CASKIN1: variants seen among roughly 807,000 people sequenced by gnomAD.
CASKIN1 encodes caskin-1.
Under a neutral mutation model 117.5 loss-of-function variants are expected in CASKIN1, and 42 were observed. That is an observed-to-expected ratio of 0.36 (90% CI 0.28 to 0.46). CASKIN1 has a LOEUF of 0.46. Ranked by LOEUF, CASKIN1 falls within the 20% of genes least tolerant of loss-of-function variation. The probability of loss-of-function intolerance (pLI) is 1.00; values close to 1 mark genes in which losing one functional copy is unlikely to be tolerated. For missense variants in CASKIN1, 2,083 were observed against 2,077.3 expected, an observed-to-expected ratio of 1.00 and a Z score of -0.05; for synonymous variants, 1,148 against 961.7, an observed-to-expected ratio of 1.19 and a Z score of -3.59.
At position 2,181,732 on chromosome 16, in the gene CASKIN1, G is replaced by A. The variant is rs555319257; in HGVS notation, c.1768+59C>T. 4,013 of 1,577,516 alleles carry A rather than the reference G, an allele frequency of 2.5e-3. 16 individuals carry two copies. Among genetic ancestry groups the A allele is most frequent in the Middle Eastern group, 0.02 (97 of 4,738 alleles). On this transcript the variant is annotated intron_variant, in intron 17 of 19. Transcript: ENST00000343516. ...GGGGCTGGGGCTGGGCTGGTGGCTG[G>A]TGGCTGGGGCTTGGGCTGAGGGTTG...
rs2093143152 is a variant in CASKIN1 at position 2,177,481 on chromosome 16, AGAG to A, written c.*1066_*1068del. On this transcript the variant is annotated 3_prime_UTR_variant, in exon 20 of 20. Coordinates refer to ENST00000343516, the MANE Select transcript of CASKIN1 (RefSeq NM_020764.4). ...AACACTGTGGATCAGCAAACACGAT[AGAG>A]GAGACCAGTCAGTACTTCTTGGAGG... 8.6e-6 allele frequency: 2 copies of A among 233,046 alleles called. No individual in the cohort carries two copies. Among genetic ancestry groups the A allele is most frequent in the Non-Finnish European group, 1.7e-5 (2 of 117,874 alleles). 14.4% of individuals were successfully genotyped at this position (233,046 alleles called of 1,614,324 possible).
Position 2,177,812 on chromosome 16 carries a change from T to G in CASKIN1, c.*738A>C. On this transcript the variant is annotated 3_prime_UTR_variant, in exon 20 of 20. Transcript: ENST00000343516. ...AGAGCAAGGCACAACCTCGAGTTCT[T>G]GGGGCGCAGAGAACTTAGGAGAGAA... The G allele has an allele frequency of 4.2e-6, 1 of 239,706 alleles. No individual in the cohort carries two copies. Among genetic ancestry groups the G allele is most frequent in the Non-Finnish European group, 8.2e-6 (1 of 121,464 alleles). 14.8% of individuals were successfully genotyped at this position (239,706 alleles called of 1,614,324 possible). A position where few individuals can be genotyped will look rare whatever the true frequency, so the allele number is the denominator to read the frequency against.
rs139962274 is a variant in CASKIN1, at chr16:2,182,851, C to T, written c.1629+795G>A. On this transcript the variant is annotated intron_variant, in intron 16 of 19. Transcript: ENST00000343516. The surrounding 1 kb of genome is among the most constrained non-coding windows in gnomAD (Gnocchi z 4.1). ...TGTCGCCCAGGCTGGAGTGCAGTGGCGCAATCTCGGCTCACTGCAAGCTCC... is the reference window on the plus strand; with the variant it reads ...TGTCGCCCAGGCTGGAGTGCAGTGGTGCAATCTCGGCTCACTGCAAGCTCC... Among the ~76,000 whole-genome samples, 1,658 of 152,346 alleles carry T rather than the reference C, an allele frequency of 0.011. 35 individuals are homozygous for T. Among genetic ancestry groups the T allele is most frequent in the African/African-American group, 0.038 (1,573 of 41,576 alleles).
intron 14 of CASKIN1, 36 bp downstream of exon 14, chr16:2,184,741 C>G (rs1029960339): frequency 3.4e-6 from 5 of 1,457,498 alleles, no homozygotes; most frequent in African/African-American, 1.4e-5. Context: ...AGCCTCTCCC[C>G]GGAGCCCACG....
At position 2,177,960 on chromosome 16, in the gene CASKIN1, A is replaced by C. The variant is rs2093147798; in HGVS notation, c.*590T>G. ...CAGGCAGACAGCCTGGGCCTCTAAC[A>C]GCTTTTGTCCGGAGCTAGACTTCGT... is the stretch of plus-strand genomic sequence containing the variant. On this transcript the variant is annotated 3_prime_UTR_variant, in exon 20 of 20. Coordinates refer to ENST00000343516, the MANE Select transcript of CASKIN1 (RefSeq NM_020764.4). 2.7e-6 allele frequency: 1 copy of C among 365,972 alleles called. No individual in the cohort carries two copies. Among genetic ancestry groups the C allele is most frequent in the Non-Finnish European group, 5.1e-6 (1 of 194,826 alleles). The allele number at this position is 365,972 out of a possible 1,614,324, so 22.7% of individuals were successfully genotyped here.
intron 14 of CASKIN1, 79 bp from the exon 15 acceptor site, chr16:2,184,020 G>C (rs992887039): frequency 1.0e-6 from 1 of 957,232 alleles, no homozygotes; most frequent in Non-Finnish European, 1.5e-6. Flanking sequence ...CCTCTGCTTG[G>C]CCGGCCAGCC....
At position 2,178,280 on chromosome 16, in the gene CASKIN1, C is replaced by A. The variant is rs1045792602; in HGVS notation, c.*270G>T. On this transcript the variant is annotated 3_prime_UTR_variant, in exon 20 of 20. Coordinates refer to ENST00000343516, the MANE Select transcript of CASKIN1 (RefSeq NM_020764.4). ...CCCATCCCTGGTCCCGGGGCGCCCT[C>A]CCCTCCCGCGCGGGCAGGAGGCCCA... The A allele has an allele frequency of 9.9e-6, 4 of 404,824 alleles. No homozygotes were observed. The highest frequency in any genetic ancestry group is 1.8e-5 in the Non-Finnish European group (4 of 223,672). 25.1% of individuals were successfully genotyped at this position (404,824 alleles called of 1,614,324 possible).
intron 1 of CASKIN1, among the ~76,000 whole-genome samples, chr16:2,193,107 T>G (rs766050810): frequency 6.6e-6 from 1 of 151,940 alleles, no homozygotes; most frequent in East Asian, 1.9e-4. Context: ...AACCTCCACC[T>G]CCCGGGTTCA....
intron 16 of CASKIN1, 37 bp downstream of exon 16, chr16:2,183,609 G>C (rs776565615): frequency 6.3e-7 from 1 of 1,599,326 alleles, no homozygotes; most frequent in African/African-American, 1.3e-5. Flanking sequence ...CTGTCTGCCC[G>C]TCCTGGGCCC....
Position 2,179,490 on chromosome 16 carries a change from C to G in CASKIN1, c.3775+103G>C. The stretch of plus-strand genomic sequence containing the variant: ...GTCTGGGGACACGTTCCCACCCCAC[C>G]TGGGCTTCCATCAAACCCAAGAAAA... On this transcript the variant is annotated intron_variant, in intron 18 of 19. Transcript: ENST00000343516. This position sits in a 1 kb window ranked among gnomAD's most constrained non-coding sequence, Gnocchi z 5.8. 1 of 1,391,802 alleles carries G rather than the reference C, an allele frequency of 7.2e-7. No homozygotes were observed. The highest frequency in any genetic ancestry group is 1.5e-5 in the African/African-American group (1 of 66,508). 86.2% of individuals were successfully genotyped at this position (1,391,802 alleles called of 1,614,324 possible). A position where few individuals can be genotyped will look rare whatever the true frequency, so the allele number is the denominator to read the frequency against.
intron 10 of CASKIN1, among the ~76,000 whole-genome samples, chr16:2,185,708 G>GC (rs2093182254): frequency 6.6e-6 from 1 of 152,190 alleles, no homozygotes; most frequent in South Asian, 2.1e-4. Context: ...CAGGCAAGAA[G>GC]CCCCCCACAA....
chr16:2,180,188 C>T lies in CASKIN1; in HGVS notation c.3180G>A (p.Val1060=). The T allele has an allele frequency of 1.3e-6, 2 of 1,550,128 alleles. No individual in the cohort carries two copies. The highest frequency in any genetic ancestry group is 1.7e-6 in the Non-Finnish European group (2 of 1,147,622). Residue 1060 remains valine (V), a synonymous_variant, in exon 18 of 20, where the codon GTG becomes GTA. Coordinates refer to ENST00000343516, the MANE Select transcript of CASKIN1 (RefSeq NM_020764.4). Reference sequence around the variant, plus strand: ...GCCCGCTGAGCGTGCGGCGCCGGTTCACCACCTCCCCGCCAGGCCCGATGG... The same window carrying T: ...GCCCGCTGAGCGTGCGGCGCCGGTTTACCACCTCCCCGCCAGGCCCGATGG... ...KEAIGPGGEV[V]NRRRTLSGPV...
At chr16:2,183,201 G>C (rs1451567630) in intron 16 of CASKIN1, among the ~76,000 whole-genome samples, 1 of 152,238 alleles carries the variant, frequency 6.6e-6, no homozygotes, top group Non-Finnish European at 1.5e-5. Flanking sequence ...ACGCACACAA[G>C]CTGGTGGATG....
rs200132110 is a variant in CASKIN1, at chr16:2,181,441, C to G, written c.1927G>C (p.Asp643His). Reference sequence around the variant, plus strand: ...GTGGTCATTTTAGGGGACTGGCAGTCGGCCGGTGTGGGCTCAGGCGGGGGC... The same window carrying G: ...GTGGTCATTTTAGGGGACTGGCAGTGGGCCGGTGTGGGCTCAGGCGGGGGC... ...SPPPPEPTPA[D>H]CQSPKMTTFQ... The change falls in exon 18 of 20, where the codon GAC (aspartate) becomes CAC (histidine). Residue 643 changes from aspartate to histidine, a missense_variant. By Grantham distance (81) the Asp-to-His change is moderately conservative. This residue lies in a region of CASKIN1 where 1,818 missense variants were observed against 1,688.9 expected (regional missense o/e 1.08). Transcript: ENST00000343516. The G allele has an allele frequency of 1.2e-6, 2 of 1,612,172 alleles. No individual in the cohort carries two copies. Among genetic ancestry groups the G allele is most frequent in the Non-Finnish European group, 8.5e-7 (1 of 1,179,808 alleles).
intron 6 of CASKIN1, among the ~76,000 whole-genome samples, chr16:2,188,494 G>A (rs185068403): frequency 6.6e-6 from 1 of 151,910 alleles, no homozygotes; most frequent in East Asian, 1.9e-4. Flanking sequence ...GGGTCTACAG[G>A]TGTGTGCCAA....
rs1410655930 is a variant in CASKIN1 at position 2,189,196 on chromosome 16, G to A, written c.487-39C>T. ...TCAGGGTAGGGGGGTCCTGATGTGG[G>A]GCTCCCCAGCCCCACCCCACAGGGC... On this transcript the variant is annotated intron_variant, in intron 5 of 19. Coordinates refer to ENST00000343516, the MANE Select transcript of CASKIN1 (RefSeq NM_020764.4). 2.5e-6 allele frequency: 4 copies of A among 1,612,618 alleles called. No homozygotes were observed. In the South Asian group the frequency reaches 4.4e-5, roughly 18 times the overall value.
At chr16:2,178,719 C>A in intron 19 of CASKIN1, 73 bp from the exon 20 acceptor site, 1 of 1,403,818 alleles carries the variant, frequency 7.1e-7, no homozygotes, top group Non-Finnish European at 9.5e-7. Context: ...CAGGACACGC[C>A]CACGTCCCGC....
chr16:2,194,476 A>T (rs1016882875), intron 1 of CASKIN1, among the ~76,000 whole-genome samples: 3 of 152,086 alleles, frequency 2.0e-5, no homozygotes, highest in African/African-American at 7.2e-5. Context: ...ACCAGAGGGG[A>T]CCATGGAAGC....
chr16:2,190,029 T>C (rs759674286), intron 3 of CASKIN1, 44 bp downstream of exon 3: 7 of 1,253,980 alleles, frequency 5.6e-6, no homozygotes, highest in Non-Finnish European at 8.1e-6. Context: ...CCCCCCTCGC[T>C]GCCCCCGCCC....
Sources: gnomAD v4.1 joint callset for allele counts (sites outside exome capture counted in the v4.1 genomes callset) on GRCh38, gnomAD v4.1.1 for gene constraint, gnomAD v4.1.1 regional missense constraint, Gnocchi (gnomAD v3.1) non-coding constraint, MANE v1.5 for transcripts, NCBI Gene and HGNC (gene_info 2026-07-23, HGNC 2026-07-21) for gene names.